WWP1: variants seen among roughly 807,000 people sequenced by gnomAD.
WWP1 encodes the protein NEDD4-like E3 ubiquitin-protein ligase WWP1.
In WWP1, 49 loss-of-function variants were observed where a neutral mutation model predicts 130.6. The observed-to-expected ratio is 0.38, with a 90% confidence interval of 0.30 to 0.48. WWP1 has a LOEUF of 0.48. Ranked by LOEUF, WWP1 falls within the 20% of genes least tolerant of loss-of-function variation. The pLI is 0.99. For missense variants in WWP1, 809 were observed against 1,100.6 expected (o/e 0.74, Z 3.75); for synonymous variants, 332 against 367.8 (o/e 0.90, Z 1.11).
At chr8:86,445,265 G>A (rs1022620664) in intron 18 of WWP1, among the ~76,000 whole-genome samples, 2 of 152,084 alleles carry the variant, frequency 1.3e-5, no homozygotes, top group African/African-American at 4.8e-5. Context: ...CTGAGATTTG[G>A]GGTATGATTG....
chr8:86,369,711 C>T (rs1824176446), intron 2 of WWP1, among the ~76,000 whole-genome samples: 1 of 152,084 alleles, frequency 6.6e-6, no homozygotes. Flanking sequence ...CCATATGAAT[C>T]AATATCTTCA....
chr8:86,387,041 C>T (rs1825325095), intron 5 of WWP1: 1 of 152,136 alleles, frequency 6.6e-6, no homozygotes, highest in Admixed American at 6.6e-5. Context: ...GAGGACTGCG[C>T]CCTCTTGATT....
intron 22 of WWP1, 74 bp from the exon 23 acceptor site, chr8:86,461,149 CT>C (rs1811749567): frequency 7.5e-7 from 1 of 1,327,046 alleles, no homozygotes; most frequent in Admixed American, 1.7e-5. Flanking sequence ...TATTTAATTT[CT>C]TCAAGTGTCT....
chr8:86,402,107 G>C lies in WWP1; in HGVS notation c.628G>C (p.Gly210Arg), dbSNP rs769479231. 1 of 1,613,758 alleles carries C rather than the reference G, an allele frequency of 6.2e-7. No individual in the cohort carries two copies. Among genetic ancestry groups the C allele is most frequent in the Admixed American group, 1.7e-5 (1 of 59,986 alleles). The change falls in exon 8 of 25, where the codon GGA (glycine) becomes CGA (arginine). Residue 210 changes from glycine to arginine, a missense_variant. Coordinates refer to ENST00000517970, the MANE Select transcript of WWP1 (RefSeq NM_007013.4). ...CTCATGCTGCTCGTATGTAGTTAAT[G>C]GAGACAACACACCTTCATCTCCGTC... ...QNSCCSYVVNGDNTPSSPSQV... is the reference protein window; with the variant it reads ...QNSCCSYVVNRDNTPSSPSQV...
At chr8:86,399,633 A>G (rs1012957873) in intron 7 of WWP1, among the ~76,000 whole-genome samples, 1 of 152,236 alleles carries the variant, frequency 6.6e-6, no homozygotes, top group African/African-American at 2.4e-5. Flanking sequence ...TGGCTTAAGT[A>G]CATATATTTA....
chr8:86,424,323 G>C (rs1809456638), intron 9 of WWP1, among the ~76,000 whole-genome samples: 1 of 151,272 alleles, frequency 6.6e-6, no homozygotes. Flanking sequence ...TTCCCAGACT[G>C]GGCAGCCGGG....
Position 86,390,269 on chromosome 8 carries a change from C to T in WWP1, c.335-8073C>T, listed in dbSNP as rs556294395. 9.9e-3 allele frequency among the ~76,000 whole-genome samples: 1,507 copies of T among 152,000 alleles called. 30 individuals carry two copies. The highest frequency in any genetic ancestry group is 0.035 in the African/African-American group (1,436 of 41,466). On this transcript the variant is annotated intron_variant, in intron 5 of 24. Coordinates refer to ENST00000517970, the MANE Select transcript of WWP1 (RefSeq NM_007013.4). ...CAGACGACGGGCGGCCAGGCAGAGA[C>T]GCTCCTCACTTCCCAGACGGGGTGG...
In WWP1 at chr8:86,402,005, A is replaced by AT. The variant is rs759696287; in HGVS notation, c.540-5dup. On this transcript the variant is annotated splice_polypyrimidine_tract_variant and intron_variant, in intron 7 of 24. Transcript: ENST00000517970. ...TATACTTAAATGATTGAAATAAGGC[A>AT]TTTTTTTTTCAAGGTTGGCTGTTGA... The AT allele has an allele frequency of 2.6e-4, 396 of 1,528,582 alleles. No individual in the cohort carries two copies. The highest frequency in any genetic ancestry group is 8.2e-4 in the South Asian group (65 of 79,218). 94.7% of individuals were successfully genotyped at this position (1,528,582 alleles called of 1,614,324 possible).
intron 18 of WWP1, among the ~76,000 whole-genome samples, chr8:86,443,066 T>C (rs984634180): frequency 6.6e-6 from 1 of 152,154 alleles, no homozygotes; most frequent in Non-Finnish European, 1.5e-5. Flanking sequence ...TATTTATTTT[T>C]AATAGAAAAA....
chr8:86,371,194 C>A (rs1335003756), intron 2 of WWP1, among the ~76,000 whole-genome samples: 1 of 151,910 alleles, frequency 6.6e-6, no homozygotes, highest in Non-Finnish European at 1.5e-5. Flanking sequence ...ACCGCCCCTA[C>A]CTGTAGTTCA....
intron 9 of WWP1, among the ~76,000 whole-genome samples, chr8:86,419,434 C>A (rs1809073402): frequency 6.6e-6 from 1 of 152,128 alleles, no homozygotes; most frequent in Non-Finnish European, 1.5e-5. Flanking sequence ...CAAAAGATAA[C>A]AGACTATTTT....
chr8:86,443,775 A>G (rs1237869960), intron 18 of WWP1, among the ~76,000 whole-genome samples: 1 of 152,232 alleles, frequency 6.6e-6, no homozygotes, highest in Non-Finnish European at 1.5e-5. Context: ...GGACTGAATC[A>G]TGCAGATATC....
chr8:86,381,187 A>G (rs2130364816), intron 4 of WWP1, among the ~76,000 whole-genome samples: 1 of 152,354 alleles, frequency 6.6e-6, no homozygotes, highest in South Asian at 2.1e-4. Flanking sequence ...TAGTAAAAGT[A>G]TCATGTAAGT....
intron 2 of WWP1, among the ~76,000 whole-genome samples, chr8:86,369,553 G>A (rs1028847153): frequency 5.3e-5 from 8 of 152,112 alleles, no homozygotes; most frequent in African/African-American, 1.9e-4. Context: ...TTTTTTACCT[G>A]ATTGGCACTG....
In WWP1 at chr8:86,385,708, T is replaced by A. The variant is rs150092097; in HGVS notation, c.334+4079T>A. Among the ~76,000 whole-genome samples the A allele has an allele frequency of 2.0e-5, 3 of 152,282 alleles. No individual in the cohort carries two copies. In the East Asian group the frequency reaches 5.8e-4, roughly 29 times the overall value. On this transcript the variant is annotated intron_variant, in intron 5 of 24. Coordinates refer to ENST00000517970, the MANE Select transcript of WWP1 (RefSeq NM_007013.4). ...TAACAATTATAGACCACAAACAAAGTGGAATTAATGACCAACTTGAAAGTA... is the reference window on the plus strand; with the variant it reads ...TAACAATTATAGACCACAAACAAAGAGGAATTAATGACCAACTTGAAAGTA...
chr8:86,415,761 A>G (rs1808853465), intron 9 of WWP1, among the ~76,000 whole-genome samples: 1 of 152,186 alleles, frequency 6.6e-6, no homozygotes, highest in Admixed American at 6.5e-5. Flanking sequence ...TCTTTTGAGT[A>G]GGCTTCTTCT....
intron 14 of WWP1, among the ~76,000 whole-genome samples, chr8:86,433,066 T>C (rs980693905): frequency 6.6e-6 from 1 of 152,188 alleles, no homozygotes; most frequent in African/African-American, 2.4e-5. Flanking sequence ...AATCCAGGCG[T>C]TGGTTTGCAG....
chr8:86,401,549 TAA>T (rs11329718), intron 7 of WWP1, among the ~76,000 whole-genome samples: 440 of 143,672 alleles, frequency 3.1e-3, no homozygotes, highest in African/African-American at 3.6e-3. Context: ...ATCCTGTCTC[TAA>T]AAAAAAAAAA....
In WWP1 at chr8:86,346,089, A is replaced by G. The variant is rs565827915; in HGVS notation, c.-115+3159A>G. Among the ~76,000 whole-genome samples the G allele has an allele frequency of 2.8e-4, 42 of 152,180 alleles. 1 individual carries two copies. The highest frequency in any genetic ancestry group is 3.1e-4 in the Non-Finnish European group (21 of 68,020). ...CACAAGATTCCTTCTAGTTTTTAAC[A>G]TTTTGTGATTCTCGAGTCCTAGACT... On this transcript the variant is annotated intron_variant, in intron 1 of 24. Coordinates refer to ENST00000517970, the MANE Select transcript of WWP1 (RefSeq NM_007013.4).
Sources: allele counts gnomAD v4.1 joint callset (sites outside exome capture counted in the v4.1 genomes callset), GRCh38; gene constraint gnomAD v4.1.1; transcripts MANE v1.5; gene names NCBI Gene and HGNC (gene_info 2026-07-23, HGNC 2026-07-21).